The following DNAH2 variants were observed in gnomAD, a reference collection of about 807,000 sequenced individuals.
DNAH2 encodes axonemal beta dynein heavy chain 2.
In DNAH2, 323 loss-of-function variants were observed where a neutral mutation model predicts 523.5. The observed-to-expected ratio is 0.62, with a 90% CI of 0.56 to 0.68. DNAH2 has a LOEUF of 0.68. DNAH2 is among the 30% of genes least tolerant of loss of function. DNAH2 has a pLI of 0.00. For synonymous variants in DNAH2, 2,093 were observed against 2,177.4 expected, an observed-to-expected ratio of 0.96 and a Z score of 1.08; for missense variants, 4,907 against 5,701.5, an observed-to-expected ratio of 0.86 and a Z score of 4.49.
intron 70 of DNAH2, 31 bp from the exon 71 acceptor site, chr17:7,818,888 T>G: frequency 1.2e-6 from 2 of 1,608,608 alleles, no homozygotes; most frequent in African/African-American, 2.7e-5. Flanking sequence ...CGCTAACCCC[T>G]TGCTCCATGT....
At chr17:7,728,974 G>C (rs1377120540) in intron 4 of DNAH2, among the ~76,000 whole-genome samples, 1 of 151,742 alleles carries the variant, frequency 6.6e-6, no homozygotes, top group Non-Finnish European at 1.5e-5. Flanking sequence ...GACAGAGTGA[G>C]ACCCTGTCTC....
chr17:7,802,063 C>T (rs747772969), intron 58 of DNAH2, 46 bp downstream of exon 58: 1 of 1,608,276 alleles, frequency 6.2e-7, no homozygotes, highest in South Asian at 1.1e-5. Flanking sequence ...AGGCTGGTGT[C>T]TTCTGAGGGC....
chr17:7,807,072 G>A lies in DNAH2; in HGVS notation c.9443-78G>A. 1 of 1,526,808 alleles carries A rather than the reference G, an allele frequency of 6.5e-7. No homozygotes were observed. Among genetic ancestry groups the A allele is most frequent in the Admixed American group, 1.9e-5 (1 of 53,678 alleles). 94.6% of individuals were successfully genotyped at this position (1,526,808 alleles called of 1,614,324 possible). On this transcript the variant is annotated intron_variant, in intron 61 of 85. Transcript: ENST00000572933. The surrounding 1 kb of genome is among the most constrained non-coding windows in gnomAD (Gnocchi z 5.6). Reference sequence around the variant, plus strand: ...GCCCAGGAAAAATGTGGCTATGCGTGAGTAGTGGAGGTGAAACTGCTGGAC... The same window carrying A: ...GCCCAGGAAAAATGTGGCTATGCGTAAGTAGTGGAGGTGAAACTGCTGGAC...
chr17:7,760,615 G>A lies in DNAH2; in HGVS notation c.2786-125G>A, dbSNP rs918091464. 4 of 859,882 alleles carry A rather than the reference G, an allele frequency of 4.7e-6. No individual in the cohort carries two copies. Among genetic ancestry groups the A allele is most frequent in the Non-Finnish European group, 7.2e-6 (4 of 553,666 alleles). The allele number at this position is 859,882 out of a possible 1,614,324, so 53.3% of individuals were successfully genotyped here. On this transcript the variant is annotated intron_variant, in intron 17 of 85. Transcript: ENST00000572933. This position sits in a 1 kb window ranked among gnomAD's most constrained non-coding sequence, Gnocchi z 4.0. ...TACTCCTTTACCTTCTAATGTGCAT[G>A]TTTGAGCTGTATTTCTCTGGGAAGC... is the stretch of plus-strand genomic sequence containing the variant.
intron 33 of DNAH2, 52 bp downstream of exon 33, chr17:7,777,686 C>T: frequency 6.3e-7 from 1 of 1,597,136 alleles, no homozygotes. Context: ...GATCCTAATG[C>T]TTTTATTGCA....
chr17:7,763,733 G>A, intron 18 of DNAH2, 98 bp from the exon 19 acceptor site: 1 of 1,451,482 alleles, frequency 6.9e-7, no homozygotes, highest in Non-Finnish European at 9.6e-7. Context: ...TGCTGCCCAG[G>A]TTTGGGTGGA....
chr17:7,787,043 G>A lies in DNAH2; in HGVS notation c.6603+10G>A, dbSNP rs781645750. On this transcript the variant is annotated intron_variant, in intron 42 of 85. Coordinates refer to ENST00000572933, the MANE Select transcript of DNAH2 (RefSeq NM_020877.5). The stretch of plus-strand genomic sequence containing the variant: ...CGCGATGCCCGAGCAGGTCAGGGAC[G>A]CGGCTGACTCCTGGAGGCCTGCAGA... The A allele has an allele frequency of 1.4e-5, 22 of 1,613,526 alleles. No individual in the cohort carries two copies. The highest frequency in any genetic ancestry group is 6.7e-5 in the Admixed American group (4 of 59,988).
rs186681376 is a variant in DNAH2, at chr17:7,742,135, T to C, written c.1690-793T>C. On this transcript the variant is annotated intron_variant, in intron 11 of 85. Coordinates refer to ENST00000572933, the MANE Select transcript of DNAH2 (RefSeq NM_020877.5). Reference sequence around the variant, plus strand: ...AAGAAACAACAGAAAAACATTGTTTTAAAACTTTCTGGGGCCAGGTGCGGT... The same window carrying C: ...AAGAAACAACAGAAAAACATTGTTTCAAAACTTTCTGGGGCCAGGTGCGGT... Among the ~76,000 whole-genome samples, 189 of 151,960 alleles carry C rather than the reference T, an allele frequency of 1.2e-3. 2 individuals are homozygous for C. Among genetic ancestry groups the C allele is most frequent in the African/African-American group, 4.3e-3 (178 of 41,472 alleles).
intron 51 of DNAH2, 31 bp from the exon 52 acceptor site, chr17:7,797,369 C>T (rs118044889): frequency 0.021 from 33,982 of 1,613,932 alleles, 405 homozygotes; most frequent in Non-Finnish European, 0.025. Flanking sequence ...CCTCTTTATT[C>T]CCCGATCTCA....
chr17:7,807,410 G>GGAGGT lies in DNAH2; in HGVS notation c.9613-55_9613-51dup, dbSNP rs2077396338. 6.2e-7 allele frequency: 1 copy of GGAGGT among 1,606,864 alleles called. No homozygotes were observed. The highest frequency in any genetic ancestry group is 8.5e-7 in the Non-Finnish European group (1 of 1,177,286). The stretch of plus-strand genomic sequence containing the variant: ...ACCCAGGTGGAAGGAGGGGATGCCT[G>GGAGGT]GAGGTGAGGGGGTTGGTGGGTTGGT... On this transcript the variant is annotated intron_variant, in intron 62 of 85. Transcript: ENST00000572933. The surrounding 1 kb of genome is among the most constrained non-coding windows in gnomAD (Gnocchi z 5.6).
chr17:7,792,643 C>G lies in DNAH2; in HGVS notation c.7146-14C>G, dbSNP rs1445391127. 1 of 1,611,656 alleles carries G rather than the reference C, an allele frequency of 6.2e-7. No homozygotes were observed. Reference sequence around the variant, plus strand: ...GCGGCTGGTCCTTGAGAGCCGGCCCCTGCTCTTCCCTAGCGCCCCCTTCTA... The same window carrying G: ...GCGGCTGGTCCTTGAGAGCCGGCCCGTGCTCTTCCCTAGCGCCCCCTTCTA... On this transcript the variant is annotated splice_polypyrimidine_tract_variant and intron_variant, in intron 46 of 85. Transcript: ENST00000572933.
Position 7,781,184 on chromosome 17 carries a change from ACT to A in DNAH2, c.6129+21_6129+22del. On this transcript the variant is annotated intron_variant, in intron 39 of 85. Transcript: ENST00000572933. ...TATGGCAAGGTATTTGTTCCTTAAT[ACT>A]CTCCCTGACCGGGTGCTGTGGCTCA... 1 of 1,613,674 alleles carries A rather than the reference ACT, an allele frequency of 6.2e-7. No individual in the cohort carries two copies. Among genetic ancestry groups the A allele is most frequent in the Non-Finnish European group, 8.5e-7 (1 of 1,179,934 alleles).
chr17:7,723,751 AGT>A, intron 3 of DNAH2, 62 bp downstream of exon 3: 1 of 1,415,236 alleles, frequency 7.1e-7, no homozygotes, highest in Non-Finnish European at 1.0e-6. Context: ...TCAAAGGATC[AGT>A]TGTGGATGGC....
intron 63 of DNAH2, among the ~76,000 whole-genome samples, chr17:7,810,678 C>T (rs372283890): frequency 9.2e-5 from 14 of 152,208 alleles, no homozygotes; most frequent in Non-Finnish European, 1.6e-4. Flanking sequence ...TGTGAGCCAC[C>T]GCGCCTGCCC....
At chr17:7,797,627 G>T (rs538520344) in intron 52 of DNAH2, 53 bp from the exon 53 acceptor site, 8 of 1,613,864 alleles carry the variant, frequency 5.0e-6, no homozygotes, top group Middle Eastern at 1.7e-4. Context: ...GAGCCCTGTG[G>T]GGGGAGGCAA....
Position 7,818,091 on chromosome 17 carries a change from G to A in DNAH2, c.10382G>A (p.Arg3461Gln), listed in dbSNP as rs375708908. ...CCCATGCTCAACAAATCTGTAGCCC[G>A]AATCGGTCAGGACAAGTCCCCAAGA... The part of the protein sequence containing the change: ...LNPMLNKSVA[R>Q]IGGRLLMRIG... Residue 3461 changes from arginine (R) to glutamine (Q), a missense_variant, in exon 68 of 86, where the codon CGA (arginine) becomes CAA (glutamine). By Grantham distance (43) the Arg-to-Gln change is conservative. Around this residue, in one of 3 missense-constraint regions of DNAH2, gnomAD observed 1,851 missense variants for 2,139.4 expected, o/e 0.87. Transcript: ENST00000572933. 4.8e-5 allele frequency: 78 copies of A among 1,610,772 alleles called. 1 individual carries two copies. The highest frequency in any genetic ancestry group is 2.3e-4 in the South Asian group (21 of 91,086).
chr17:7,752,190 C>CACACACACACAA (rs2075705439), intron 12 of DNAH2, among the ~76,000 whole-genome samples: 1 of 151,772 alleles, frequency 6.6e-6, no homozygotes, highest in East Asian at 1.9e-4. Flanking sequence ...CACACACACA[C>CACACACACACAA]ACACAATTTC....
chr17:7,761,193 G>A (rs752056805), intron 18 of DNAH2, among the ~76,000 whole-genome samples: 5 of 152,214 alleles, frequency 3.3e-5, no homozygotes, highest in Non-Finnish European at 5.9e-5. Flanking sequence ...AAGTTCCAGA[G>A]ATCTGGAAGA....
intron 30 of DNAH2, 42 bp from the exon 31 acceptor site, chr17:7,775,982 C>CT (rs1225045474): frequency 1.2e-6 from 2 of 1,606,234 alleles, no homozygotes; most frequent in South Asian, 2.2e-5. Context: ...CTTGGCCGTG[C>CT]CCCCTCAGGC....
Sources: gnomAD v4.1 joint callset for allele counts (sites outside exome capture counted in the v4.1 genomes callset) on GRCh38, gnomAD v4.1.1 for gene constraint, gnomAD v4.1.1 regional missense constraint, Gnocchi (gnomAD v3.1) non-coding constraint, MANE v1.5 for transcripts, NCBI Gene and HGNC (gene_info 2026-07-23, HGNC 2026-07-21) for gene names.